The following LARS2 variants were observed in gnomAD, a reference collection of about 807,000 sequenced individuals.
The protein encoded by LARS2 is leucine--tRNA ligase, mitochondrial.
In LARS2, 81 loss-of-function variants were observed where a neutral mutation model predicts 116.6. The ratio of observed to expected loss-of-function variants is 0.69; its 90% CI spans 0.58 to 0.84. The LOEUF is 0.84. LARS2 is among the 40% of genes least tolerant of loss of function. The pLI is 0.00. For missense variants in LARS2, 968 were observed against 1,114.5 expected (o/e 0.87, Z 1.87); for synonymous variants, 396 against 407.2 (o/e 0.97, Z 0.33).
intron 6 of LARS2, among the ~76,000 whole-genome samples, chr3:45,426,990 C>T (rs372026270): frequency 5.0e-4 from 76 of 152,264 alleles, no homozygotes; most frequent in African/African-American, 1.8e-3. Context: ...ATGGATCTGG[C>T]TATTAACACT....
chr3:45,547,652 C>A lies in LARS2; in HGVS notation c.*122C>A. On this transcript the variant is annotated 3_prime_UTR_variant, in exon 22 of 22. Transcript: ENST00000645846. ...AGACAAATGTCTTGACTGTTGACCT[C>A]GGTCCTGTGGCAGACTGCAGTCAAC... 2 of 916,208 alleles carry A rather than the reference C, an allele frequency of 2.2e-6. No homozygotes were observed. Among genetic ancestry groups the A allele is most frequent in the South Asian group, 3.3e-5 (2 of 60,224 alleles). The allele number at this position is 916,208 out of a possible 1,614,324, so 56.8% of individuals were successfully genotyped here.
rs1318923846 is a variant in LARS2 at position 45,547,352 on chromosome 3, T to C, written c.2534T>C (p.Ile845Thr). The C allele has an allele frequency of 6.2e-7, 1 of 1,603,394 alleles. No homozygotes were observed. The highest frequency in any genetic ancestry group is 1.7e-5 in the Admixed American group (1 of 57,304). ...TATCTTGGCTTTTCTCCTTCTCAGA[T>C]CAACAATAAAGCTTGTGGCAAAATT... The part of the protein sequence containing the change: ...QPEVVQMAVL[I>T]NNKACGKIPV... Residue 845 changes from isoleucine (I) to threonine (T), a missense_variant and splice_region_variant, in exon 22 of 22, where the codon ATC (isoleucine) becomes ACC (threonine). Physicochemically the swap from Ile to Thr is moderately conservative, Grantham distance 89. Coordinates refer to ENST00000645846, the MANE Select transcript of LARS2 (RefSeq NM_015340.4).
At chr3:45,452,713 G>A (rs1699153298) in intron 7 of LARS2, among the ~76,000 whole-genome samples, 1 of 152,100 alleles carries the variant, frequency 6.6e-6, no homozygotes, top group South Asian at 2.1e-4. Flanking sequence ...AATGAATTTG[G>A]AAGAATTCCC....
At chr3:45,410,635 C>T (rs1226540043) in intron 4 of LARS2, among the ~76,000 whole-genome samples, 1 of 152,174 alleles carries the variant, frequency 6.6e-6, no homozygotes, top group African/African-American at 2.4e-5. Context: ...TCTCCATTTC[C>T]TATTTCTGCT....
intron 16 of LARS2, among the ~76,000 whole-genome samples, chr3:45,515,460 G>T (rs1700357793): frequency 6.6e-6 from 1 of 152,212 alleles, no homozygotes; most frequent in African/African-American, 2.4e-5. Flanking sequence ...GTCCTCTCCA[G>T]TAGGGCTTGG....
At chr3:45,517,557 C>T (rs1700387228) in intron 17 of LARS2, among the ~76,000 whole-genome samples, 1 of 152,220 alleles carries the variant, frequency 6.6e-6, no homozygotes, top group Non-Finnish European at 1.5e-5. Flanking sequence ...CATGTTAACT[C>T]CATGGCATTT....
chr3:45,544,871 G>C (rs1264023313), intron 21 of LARS2, among the ~76,000 whole-genome samples: 1 of 152,166 alleles, frequency 6.6e-6, no homozygotes, highest in Non-Finnish European at 1.5e-5. Flanking sequence ...AACAAACATA[G>C]GGGGGCAGGC....
chr3:45,500,129 G>A (rs1700094432), intron 14 of LARS2, among the ~76,000 whole-genome samples: 1 of 152,114 alleles, frequency 6.6e-6, no homozygotes, highest in Admixed American at 6.5e-5. Context: ...AGCCTCCTGA[G>A]TAGTTGGGAT....
chr3:45,444,457 A>G (rs1363213443), intron 6 of LARS2, among the ~76,000 whole-genome samples: 1 of 121,556 alleles, frequency 8.2e-6, no homozygotes, highest in Non-Finnish European at 1.7e-5. Flanking sequence ...AGGTCAGGAG[A>G]TCGAGACCAT....
chr3:45,500,282 A>G (rs965287509), intron 14 of LARS2, among the ~76,000 whole-genome samples, 160 bp from the exon 15 acceptor site: 106 of 152,176 alleles, frequency 7.0e-4, no homozygotes, highest in African/African-American at 2.5e-3. Context: ...GATGACAGGC[A>G]TGAGCCACCG....
chr3:45,444,235 A>G (rs1424389588), intron 6 of LARS2, among the ~76,000 whole-genome samples: 4 of 145,108 alleles, frequency 2.8e-5, no homozygotes, highest in African/African-American at 1.0e-4. Flanking sequence ...GGATGGTCTC[A>G]ATCTCCTGAC....
In LARS2 at chr3:45,508,769, C is replaced by T. The variant is rs1700235571; in HGVS notation, c.1761-4366C>T. 1.3e-5 allele frequency among the ~76,000 whole-genome samples: 2 copies of T among 151,766 alleles called. 1 individual carries two copies. Among genetic ancestry groups the T allele is most frequent in the Non-Finnish European group, 2.9e-5 (2 of 67,886 alleles). ...GTATATAGTGATTTTTTTAAGAGCA[C>T]TTAACATGGCCAATCAATCAATGTT... On this transcript the variant is annotated intron_variant, in intron 15 of 21. Coordinates refer to ENST00000645846, the MANE Select transcript of LARS2 (RefSeq NM_015340.4).
At chr3:45,401,594 C>T (rs1344612330) in intron 4 of LARS2, among the ~76,000 whole-genome samples, 1 of 152,080 alleles carries the variant, frequency 6.6e-6, no homozygotes, top group Non-Finnish European at 1.5e-5. Context: ...CTGATGTGGG[C>T]CATTCCTCTT....
intron 13 of LARS2, among the ~76,000 whole-genome samples, chr3:45,495,009 A>C (rs1393282467): frequency 6.6e-6 from 1 of 152,212 alleles, no homozygotes; most frequent in African/African-American, 2.4e-5. Context: ...CAGAGGTTGC[A>C]GTGAGCTGAG....
chr3:45,538,191 C>A (rs1026981670), intron 20 of LARS2, among the ~76,000 whole-genome samples: 1 of 152,216 alleles, frequency 6.6e-6, no homozygotes. Context: ...GCCCCACTCC[C>A]ATCTATATGG....
intron 18 of LARS2, 61 bp from the exon 19 acceptor site, chr3:45,520,158 C>CT (rs1475093263): frequency 1.7e-6 from 2 of 1,203,804 alleles, no homozygotes; most frequent in Non-Finnish European, 2.5e-6. Context: ...ATAATTCAGT[C>CT]TTTTTGTGGA....
chr3:45,506,086 C>A (rs999735098), intron 15 of LARS2, among the ~76,000 whole-genome samples: 1 of 152,018 alleles, frequency 6.6e-6, no homozygotes, highest in Non-Finnish European at 1.5e-5. Context: ...TGAAATAGAC[C>A]TATGGAGTTT....
intron 15 of LARS2, among the ~76,000 whole-genome samples, chr3:45,512,509 G>A (rs1041289132): frequency 6.6e-6 from 1 of 152,174 alleles, no homozygotes; most frequent in African/African-American, 2.4e-5. Context: ...CTATAAATAA[G>A]TTATAATCAA....
At chr3:45,446,344 T>G (rs1442132470) in intron 6 of LARS2, among the ~76,000 whole-genome samples, 1 of 152,250 alleles carries the variant, frequency 6.6e-6, no homozygotes, top group African/African-American at 2.4e-5. Flanking sequence ...TTAATGTTTT[T>G]AATTGTTCTT....
Sources: gnomAD v4.1 joint callset for allele counts (sites outside exome capture counted in the v4.1 genomes callset) on GRCh38, gnomAD v4.1.1 for gene constraint, MANE v1.5 for transcripts, NCBI Gene and HGNC (gene_info 2026-07-23, HGNC 2026-07-21) for gene names.